The following AFF3 variants were observed in gnomAD, a reference collection of about 807,000 sequenced individuals.
The protein encoded by AFF3 is AF4/FMR2 family member 3.
Under a neutral mutation model 129.7 loss-of-function variants are expected in AFF3, and 32 were observed. That is an observed-to-expected ratio of 0.25 (90% CI 0.19 to 0.33). AFF3 has a LOEUF of 0.33. Ranked by LOEUF, AFF3 falls within the 10% of genes least tolerant of loss-of-function variation. The pLI, the probability that AFF3 is intolerant of heterozygous loss-of-function variation, is 1.00. For missense variants in AFF3, 1,373 were observed against 1,592.0 expected, an observed-to-expected ratio of 0.86 and a Z score of 2.34; for synonymous variants, 644 against 635.4, an observed-to-expected ratio of 1.01 and a Z score of -0.20.
chr2:100,118,639 T>C (rs1386368945), intron 2 of AFF3, among the ~76,000 whole-genome samples: 2 of 152,078 alleles, frequency 1.3e-5, no homozygotes, highest in Admixed American at 6.5e-5. Flanking sequence ...TTTTTTCTGG[T>C]CGTTGTATTT....
chr2:99,582,403 G>A (rs1677659731), intron 17 of AFF3, among the ~76,000 whole-genome samples: 1 of 152,284 alleles, frequency 6.6e-6, no homozygotes, highest in African/African-American at 2.4e-5. Flanking sequence ...GGCAGAGTGG[G>A]GGCCCTGTAG....
chr2:99,793,359 T>G (rs1685341246), intron 8 of AFF3, among the ~76,000 whole-genome samples: 1 of 152,186 alleles, frequency 6.6e-6, no homozygotes, highest in African/African-American at 2.4e-5. Flanking sequence ...AACAAACATC[T>G]TTTCTTTGTA....
At chr2:99,666,269 C>A (rs891468761) in intron 12 of AFF3, among the ~76,000 whole-genome samples, 29 of 152,264 alleles carry the variant, frequency 1.9e-4, no homozygotes, top group African/African-American at 6.5e-4. Context: ...ATTTGTATCA[C>A]CTATTATTAT....
intron 4 of AFF3, among the ~76,000 whole-genome samples, chr2:100,029,505 G>A (rs151314316): frequency 5.9e-5 from 9 of 152,198 alleles, no homozygotes; most frequent in Admixed American, 2.0e-4. Context: ...AGCAACTAAC[G>A]CATACAACAC....
At chr2:100,088,061 T>C (rs1448549943) in intron 4 of AFF3, among the ~76,000 whole-genome samples, 6 of 147,746 alleles carry the variant, frequency 4.1e-5, no homozygotes, top group African/African-American at 1.3e-4. Flanking sequence ...CAACAGATAA[T>C]ATCACACTCA....
intron 17 of AFF3, among the ~76,000 whole-genome samples, chr2:99,582,517 C>T (rs1037613212): frequency 1.5e-4 from 23 of 152,140 alleles, no homozygotes; most frequent in Admixed American, 1.4e-3. Flanking sequence ...TACTTTGTCC[C>T]GGGATGGTAT....
At chr2:99,624,292 G>T (rs924627323) in intron 13 of AFF3, among the ~76,000 whole-genome samples, 2 of 152,162 alleles carry the variant, frequency 1.3e-5, no homozygotes, top group Middle Eastern at 3.4e-3. Flanking sequence ...TGACAGTTTG[G>T]GAAGCTTACA....
intron 7 of AFF3, among the ~76,000 whole-genome samples, chr2:99,977,743 C>A (rs1224117779): frequency 1.3e-5 from 2 of 152,272 alleles, no homozygotes; most frequent in Non-Finnish European, 2.9e-5. Context: ...AGGGGACACA[C>A]AAGGAGCTGG....
intron 7 of AFF3, among the ~76,000 whole-genome samples, chr2:99,901,817 T>C (rs564759199): frequency 7.6e-4 from 113 of 149,666 alleles, no homozygotes; most frequent in African/African-American, 2.7e-3. Context: ...CTGATTATGT[T>C]GCTCCCTGCT....
chr2:99,904,822 A>G (rs1018275372), intron 7 of AFF3, among the ~76,000 whole-genome samples: 1 of 152,010 alleles, frequency 6.6e-6, no homozygotes, highest in Non-Finnish European at 1.5e-5. Context: ...TGCAAAACTA[A>G]CATAGGTGGG....
At chr2:99,585,864 G>T (rs1233850755) in intron 16 of AFF3, among the ~76,000 whole-genome samples, 1 of 152,120 alleles carries the variant, frequency 6.6e-6, no homozygotes, top group African/African-American at 2.4e-5. Flanking sequence ...AAGTAGCTGG[G>T]ACTACAGGAG....
chr2:99,911,245 G>A (rs907662390), intron 7 of AFF3, among the ~76,000 whole-genome samples: 5 of 152,072 alleles, frequency 3.3e-5, no homozygotes, highest in African/African-American at 9.7e-5. Flanking sequence ...ATGATTAGCC[G>A]GGCATGGTGG....
At chr2:99,903,247 C>T (rs1163413998) in intron 7 of AFF3, among the ~76,000 whole-genome samples, 1 of 152,100 alleles carries the variant, frequency 6.6e-6, no homozygotes, top group Non-Finnish European at 1.5e-5. Context: ...AGACACAGTC[C>T]AATTTCAGAG....
chr2:99,881,700 T>C (rs1256642726), intron 7 of AFF3, among the ~76,000 whole-genome samples: 1 of 152,240 alleles, frequency 6.6e-6, no homozygotes, highest in African/African-American at 2.4e-5. Context: ...AGAAGTGATT[T>C]GGTCCAGGGA....
intron 8 of AFF3, among the ~76,000 whole-genome samples, chr2:99,809,039 A>T (rs1686582329): frequency 6.6e-6 from 1 of 152,240 alleles, no homozygotes; most frequent in Admixed American, 6.5e-5. Context: ...ATATGAATCA[A>T]AGCACTGGAA....
At chr2:100,070,419 C>A (rs1214577397) in intron 4 of AFF3, among the ~76,000 whole-genome samples, 1 of 152,168 alleles carries the variant, frequency 6.6e-6, no homozygotes, top group Non-Finnish European at 1.5e-5. Flanking sequence ...CTTTTTGGAG[C>A]AGTCATGTTT....
chr2:100,050,884 G>T (rs1686268535), intron 4 of AFF3, among the ~76,000 whole-genome samples: 1 of 152,196 alleles, frequency 6.6e-6, no homozygotes, highest in African/African-American at 2.4e-5. Context: ...GACTAATGTG[G>T]AGTAACAGCC....
chr2:99,582,549 C>T (rs1677671969), intron 17 of AFF3, among the ~76,000 whole-genome samples: 1 of 152,190 alleles, frequency 6.6e-6, no homozygotes, highest in African/African-American at 2.4e-5. Flanking sequence ...CTTTTCTTTT[C>T]AGAAGGAAAA....
At chr2:100,105,394 C>G in intron 3 of AFF3, 110 bp downstream of exon 3, 1 of 1,289,596 alleles carries the variant, frequency 7.8e-7, no homozygotes, top group South Asian at 1.3e-5. Flanking sequence ...CGGAGGAAAC[C>G]TCTTCCACCC....
Sources: gnomAD v4.1 joint callset for allele counts (sites outside exome capture counted in the v4.1 genomes callset) on GRCh38, gnomAD v4.1.1 for gene constraint, MANE v1.5 for transcripts, NCBI Gene and HGNC (gene_info 2026-07-23, HGNC 2026-07-21) for gene names.